The following PPFIA3 variants were observed in gnomAD, a reference collection of about 807,000 sequenced individuals.
The protein encoded by PPFIA3 is liprin-alpha-3.
In PPFIA3, 26 loss-of-function variants were observed where a neutral mutation model predicts 145.8. The ratio of observed to expected loss-of-function variants is 0.18; its 90% CI spans 0.13 to 0.25. The LOEUF (loss-of-function observed/expected upper bound fraction) is 0.25, where lower values mean the gene tolerates loss of function less well. Ranked by LOEUF, PPFIA3 falls within the 10% of genes least tolerant of loss-of-function variation. The pLI, the probability that PPFIA3 is intolerant of heterozygous loss-of-function variation, is 1.00. For missense variants in PPFIA3, 1,008 were observed against 1,587.8 expected (o/e 0.63, Z 6.21); for synonymous variants, 645 against 661.4 (o/e 0.98, Z 0.38).
intron 13 of PPFIA3, among the ~76,000 whole-genome samples, chr19:49,135,187 G>A (rs775883184): frequency 4.6e-5 from 7 of 151,830 alleles, no homozygotes; most frequent in Admixed American, 6.6e-5. Context: ...GACTACAGGC[G>A]TGCACCACCA....
rs1054389867 is a variant in PPFIA3, at chr19:49,130,141, G to T, written c.657+74G>T. 1.4e-6 allele frequency: 2 copies of T among 1,478,906 alleles called. No individual in the cohort carries two copies. Among genetic ancestry groups the T allele is most frequent in the Non-Finnish European group, 1.9e-6 (2 of 1,080,752 alleles). The allele number at this position is 1,478,906 out of a possible 1,614,324, so 91.6% of individuals were successfully genotyped here. ...TTTGTGATAGTGTTTGTAACGTTTG[G>T]TATCATCCTCACTGGCCCTAAGACG... On this transcript the variant is annotated intron_variant, in intron 6 of 29. Transcript: ENST00000334186. This position sits in a 1 kb window ranked among gnomAD's most constrained non-coding sequence, Gnocchi z 4.5.
Position 49,128,483 on chromosome 19 carries a change from G to A in PPFIA3, c.342+15G>A. 6.2e-7 allele frequency: 1 copy of A among 1,607,314 alleles called. No homozygotes were observed. Among genetic ancestry groups the A allele is most frequent in the Non-Finnish European group, 8.5e-7 (1 of 1,176,000 alleles). ...ACAACACGCGGGTGAGGGGTGTTGA[G>A]GGCGGGGCCTAAGTGGGGGCGGGGC... On this transcript the variant is annotated intron_variant, in intron 3 of 29. Transcript: ENST00000334186. The surrounding 1 kb of genome is among the most constrained non-coding windows in gnomAD (Gnocchi z 4.1).
chr19:49,119,834 A>T (rs1293038888), intron 1 of PPFIA3, 112 bp downstream of exon 1: 1 of 150,382 alleles, frequency 6.6e-6, no homozygotes, highest in African/African-American at 2.5e-5. Context: ...GGGACCCCCG[A>T]GCCCAGATTT....
At chr19:49,140,144 C>G in intron 18 of PPFIA3, 56 bp downstream of exon 18, 1 of 1,569,706 alleles carries the variant, frequency 6.4e-7, no homozygotes, top group Non-Finnish European at 8.7e-7. Flanking sequence ...TTCCTCCCTC[C>G]CTTTCTTTCT....
chr19:49,143,440 T>C (rs907165664), intron 21 of PPFIA3, among the ~76,000 whole-genome samples: 24 of 152,180 alleles, frequency 1.6e-4, no homozygotes, highest in African/African-American at 4.8e-4. Context: ...TGGCGCTATC[T>C]CCGCTCACTG....
Position 49,128,023 on chromosome 19 carries a change from G to A in PPFIA3, c.150G>A (p.Gln50=), listed in dbSNP as rs773939449. 6 of 1,596,874 alleles carry A rather than the reference G, an allele frequency of 3.8e-6. No homozygotes were observed. In the South Asian group the frequency reaches 5.5e-5, roughly 15 times the overall value. The change falls in exon 2 of 30, where the codon CAG becomes CAA. Residue 50 remains glutamine, a synonymous_variant. Transcript: ENST00000334186. The surrounding 1 kb of genome is among the most constrained non-coding windows in gnomAD (Gnocchi z 4.1). ...ERLLETLREA[Q]DGLATAQLRL... ...TGCTGGAGACGCTGCGCGAGGCACA[G>A]GACGGGTTGGCTACAGCGCAGCTGC...
At chr19:49,138,718 C>T (rs2122604312) in intron 16 of PPFIA3, among the ~76,000 whole-genome samples, 1 of 152,254 alleles carries the variant, frequency 6.6e-6, no homozygotes, top group African/African-American at 2.4e-5. Flanking sequence ...GCCTGTAATC[C>T]CAGCACTTCG....
intron 21 of PPFIA3, among the ~76,000 whole-genome samples, chr19:49,145,157 C>T (rs1018835599): frequency 1.3e-5 from 2 of 152,024 alleles, no homozygotes; most frequent in Non-Finnish European, 2.9e-5. Context: ...GTCTTGAACT[C>T]CTGACCTCAG....
chr19:49,134,262 G>A (rs2041110907), intron 11 of PPFIA3, 97 bp downstream of exon 11: 2 of 1,481,476 alleles, frequency 1.3e-6, no homozygotes, highest in Non-Finnish European at 1.8e-6. Context: ...TCTGTTATCG[G>A]AGGCCTCCCT....
chr19:49,128,738 A>C lies in PPFIA3; in HGVS notation c.343-110A>C. ...TCCTGACCTGTCTCGGTGCTCCTTTATATGGCTCCATCTTTTCCTCCATGT... is the reference window on the plus strand; with the variant it reads ...TCCTGACCTGTCTCGGTGCTCCTTTCTATGGCTCCATCTTTTCCTCCATGT... On this transcript the variant is annotated intron_variant, in intron 3 of 29. Coordinates refer to ENST00000334186, the MANE Select transcript of PPFIA3 (RefSeq NM_003660.4). This position sits in a 1 kb window ranked among gnomAD's most constrained non-coding sequence, Gnocchi z 4.1. 2 of 1,113,706 alleles carry C rather than the reference A, an allele frequency of 1.8e-6. No individual in the cohort carries two copies. Among genetic ancestry groups the C allele is most frequent in the Non-Finnish European group, 2.6e-6 (2 of 782,728 alleles). 69.0% of individuals were successfully genotyped at this position (1,113,706 alleles called of 1,614,324 possible). A position where few individuals can be genotyped will look rare whatever the true frequency, so the allele number is the denominator to read the frequency against.
intron 1 of PPFIA3, among the ~76,000 whole-genome samples, chr19:49,126,902 T>C (rs1366366158): frequency 1.3e-5 from 2 of 151,782 alleles, no homozygotes; most frequent in Non-Finnish European, 2.9e-5. Context: ...TTCCTTTGAG[T>C]GGGCTAGGCT....
intron 21 of PPFIA3, among the ~76,000 whole-genome samples, chr19:49,143,811 A>G (rs1209609293): frequency 4.6e-5 from 7 of 152,242 alleles, no homozygotes; most frequent in Middle Eastern, 3.4e-3. Flanking sequence ...GTACAGGTTG[A>G]GTGTCCCTTA....
At chr19:49,138,489 C>T (rs761746924) in intron 16 of PPFIA3, 62 bp downstream of exon 16, 218 of 1,358,606 alleles carry the variant, frequency 1.6e-4, no homozygotes, top group Non-Finnish European at 2.1e-4. Context: ...AGGCAGGGCT[C>T]CCCAGTGTAC....
At chr19:49,148,293 G>A in intron 24 of PPFIA3, 35 bp downstream of exon 24, 1 of 1,592,676 alleles carries the variant, frequency 6.3e-7, no homozygotes, top group Non-Finnish European at 8.6e-7. Flanking sequence ...ACAGTCCAAA[G>A]GGAAGCCCCA....
Position 49,149,314 on chromosome 19 carries a change from C to T in PPFIA3, c.3343C>T (p.Arg1115Trp), listed in dbSNP as rs1356518043. 6.2e-7 allele frequency: 1 copy of T among 1,614,012 alleles called. No individual in the cohort carries two copies. The highest frequency in any genetic ancestry group is 1.1e-5 in the South Asian group (1 of 91,074). The change falls in exon 27 of 30, where the codon CGG becomes TGG. Residue 1115 changes from arginine (R) to tryptophan (W), a missense_variant. Coordinates refer to ENST00000334186, the MANE Select transcript of PPFIA3 (RefSeq NM_003660.4). This position sits in a 1 kb window ranked among gnomAD's most constrained non-coding sequence, Gnocchi z 5.7. ...SNLISLGTDR[R>W]LDEDSAKSFS... ...CCTTATCTCCTTAGGCACAGACAGGCGGCTGGACGAGGTGGGCGCGGCAAC... is the reference window on the plus strand; with the variant it reads ...CCTTATCTCCTTAGGCACAGACAGGTGGCTGGACGAGGTGGGCGCGGCAAC...
At position 49,129,976 on chromosome 19, in the gene PPFIA3, C is replaced by G; in HGVS notation, c.583-17C>G. 6.2e-7 allele frequency: 1 copy of G among 1,613,058 alleles called. No homozygotes were observed. Among genetic ancestry groups the G allele is most frequent in the Non-Finnish European group, 8.5e-7 (1 of 1,179,542 alleles). ...TCAGGGAGCCCCTGTGCTCTGATTCCCCTTTCACACTTCCAGACTCTGAAC... is the reference window on the plus strand; with the variant it reads ...TCAGGGAGCCCCTGTGCTCTGATTCGCCTTTCACACTTCCAGACTCTGAAC... On this transcript the variant is annotated splice_polypyrimidine_tract_variant and intron_variant, in intron 5 of 29. Transcript: ENST00000334186.
chr19:49,129,817 G>A (rs1942752020), intron 5 of PPFIA3, among the ~76,000 whole-genome samples, 176 bp from the exon 6 acceptor site: 1 of 152,186 alleles, frequency 6.6e-6, no homozygotes. Flanking sequence ...GGCAGCTAAG[G>A]AGGGATATAA....
At position 49,128,567 on chromosome 19, in the gene PPFIA3, T is replaced by C. The variant is rs553249451; in HGVS notation, c.342+99T>C. 3.5e-6 allele frequency: 4 copies of C among 1,148,700 alleles called. No homozygotes were observed. The highest frequency in any genetic ancestry group is 1.5e-5 in the African/African-American group (1 of 65,740). 71.2% of individuals were successfully genotyped at this position (1,148,700 alleles called of 1,614,324 possible). On this transcript the variant is annotated intron_variant, in intron 3 of 29. Coordinates refer to ENST00000334186, the MANE Select transcript of PPFIA3 (RefSeq NM_003660.4). This position sits in a 1 kb window ranked among gnomAD's most constrained non-coding sequence, Gnocchi z 4.1. ...AGTGTTGCAGCGTGACCTATTTTTTTCCCCCATCTCGCCTTTCTGTCTTCT... is the reference window on the plus strand; with the variant it reads ...AGTGTTGCAGCGTGACCTATTTTTTCCCCCCATCTCGCCTTTCTGTCTTCT...
chr19:49,145,571 T>C, intron 21 of PPFIA3: 1 of 274,018 alleles, frequency 3.6e-6, no homozygotes, highest in Non-Finnish European at 7.1e-6. Flanking sequence ...GAGCAGAAGC[T>C]CAATAAATGT....
Sources: gnomAD v4.1 joint callset for allele counts (sites outside exome capture counted in the v4.1 genomes callset) on GRCh38, gnomAD v4.1.1 for gene constraint, Gnocchi (gnomAD v3.1) non-coding constraint, MANE v1.5 for transcripts, NCBI Gene and HGNC (gene_info 2026-07-23, HGNC 2026-07-21) for gene names.